Variants in MAP3K1 observed in about 807,000 individuals in gnomAD.
The protein encoded by MAP3K1 is MAP/ERK kinase kinase 1.
In MAP3K1, 36 loss-of-function variants were observed where a neutral mutation model predicts 144.2. The ratio of observed to expected loss-of-function variants is 0.25; its 90% CI spans 0.19 to 0.33. The LOEUF (loss-of-function observed/expected upper bound fraction) is 0.33. MAP3K1 is among the 10% of genes least tolerant of loss of function. The pLI is 1.00. For missense variants in MAP3K1, 1,650 were observed against 1,881.9 expected (o/e 0.88, Z 2.28); for synonymous variants, 718 against 688.7 (o/e 1.04, Z -0.67).
Position 56,815,681 on chromosome 5 carries a change from G to A in MAP3K1, c.108G>A (p.Ala36=), listed in dbSNP as rs1745924140. The A allele has an allele frequency of 1.5e-6, 2 of 1,302,092 alleles. No individual in the cohort carries two copies. Among genetic ancestry groups the A allele is most frequent in the Admixed American group, 3.7e-5 (1 of 26,736 alleles). The allele number at this position is 1,302,092 out of a possible 1,614,324, so 80.7% of individuals were successfully genotyped here. A position where few individuals can be genotyped will look rare whatever the true frequency, so the allele number is the denominator to read the frequency against. The change falls in exon 1 of 20, where the codon GCG becomes GCA. Residue 36 remains alanine (A), a synonymous_variant. Transcript: ENST00000399503. ...GAGGAGCCCTCAAGGCGAGCAGCGC[G>A]CCCGCGGCTGCCGCGGGACTGCTGC... The part of the protein sequence containing the change: ...GGGGALKASS[A]PAAAAGLLRE...
At chr5:56,831,637 A>G (rs1174145161) in intron 1 of MAP3K1, among the ~76,000 whole-genome samples, 1 of 152,212 alleles carries the variant, frequency 6.6e-6, no homozygotes, top group Non-Finnish European at 1.5e-5. Flanking sequence ...TTAAACATTA[A>G]TCCTTTTGAG....
In MAP3K1 at chr5:56,815,905, C is replaced by T. The variant is rs1170508270; in HGVS notation, c.332C>T (p.Pro111Leu). The T allele has an allele frequency of 1.4e-5, 18 of 1,296,690 alleles. No homozygotes were observed. Among genetic ancestry groups the T allele is most frequent in the Non-Finnish European group, 1.6e-5 (16 of 1,023,556 alleles). 80.3% of individuals were successfully genotyped at this position (1,296,690 alleles called of 1,614,324 possible). ...ACCGGCTTCCAGCCTGTGGCGGTGC[C>T]GCCGCCCCACGGAGCCGCGAGCCGC... Reference protein sequence around the residue: ...SGTGFQPVAVPPPHGAASRGG... With the variant: ...SGTGFQPVAVLPPHGAASRGG... Residue 111 changes from proline (P) to leucine (L), a missense_variant, in exon 1 of 20, where the codon CCG (proline) becomes CTG (leucine). Coordinates refer to ENST00000399503, the MANE Select transcript of MAP3K1 (RefSeq NM_005921.2).
intron 19 of MAP3K1, among the ~76,000 whole-genome samples, chr5:56,891,816 G>C (rs959404695): frequency 7.2e-5 from 11 of 152,150 alleles, no homozygotes; most frequent in Admixed American, 6.5e-4. Flanking sequence ...TCTTGTTTTT[G>C]TCAGGTTTGT....
Position 56,815,745 on chromosome 5 carries a change from C to A in MAP3K1, c.172C>A (p.Arg58=). ...CGGGGGCCGCGAGCGGGCGGACTGG[C>A]GGCGGCGGCAGCTGCGCAAAGTGCG... ...GSGGRERADW[R]RRQLRKVRSV... is the part of the protein sequence containing the mutation. Residue 58 remains arginine, a synonymous_variant, in exon 1 of 20, where the codon CGG becomes AGG. Transcript: ENST00000399503. 2 of 1,361,888 alleles carry A rather than the reference C, an allele frequency of 1.5e-6. No homozygotes were observed. The highest frequency in any genetic ancestry group is 1.5e-5 in the African/African-American group (1 of 66,814). 84.4% of individuals were successfully genotyped at this position (1,361,888 alleles called of 1,614,324 possible). A position where few individuals can be genotyped will look rare whatever the true frequency, so the allele number is the denominator to read the frequency against.
rs868229511 is a variant in MAP3K1 at position 56,871,954 on chromosome 5, G to T, written c.1346G>T (p.Gly449Val). ...CAGATGTGTCCTATTTGCTTGTTGG[G>T]CATGCTTGATGAAGAAAGTCTTACA... ...EEQMCPICLL[G>V]MLDEESLTVC... Residue 449 changes from glycine (G) to valine (V), a missense_variant, in exon 7 of 20, where the codon GGC (glycine) becomes GTC (valine). By Grantham distance (109) the Gly-to-Val change is moderately radical. This residue lies in a region of MAP3K1 where 125 missense variants were observed against 179.9 expected (regional missense o/e 0.69). Coordinates refer to ENST00000399503, the MANE Select transcript of MAP3K1 (RefSeq NM_005921.2). The T allele has an allele frequency of 9.9e-6, 16 of 1,613,784 alleles. No individual in the cohort carries two copies. The highest frequency in any genetic ancestry group is 1.2e-5 in the Non-Finnish European group (14 of 1,179,850).
chr5:56,839,981 GA>G (rs2111810951), intron 1 of MAP3K1, among the ~76,000 whole-genome samples: 1 of 152,292 alleles, frequency 6.6e-6, no homozygotes, highest in East Asian at 1.9e-4. Context: ...GGGGTCTCTA[GA>G]AGTTTGGTGA....
At chr5:56,872,060 A>T in intron 7 of MAP3K1, 29 bp downstream of exon 7, 1 of 1,613,602 alleles carries the variant, frequency 6.2e-7, no homozygotes, top group Non-Finnish European at 8.5e-7. Context: ...CCCTATGCTT[A>T]CTCAACACAG....
At chr5:56,860,775 C>A (rs996496046) in intron 3 of MAP3K1, among the ~76,000 whole-genome samples, 3 of 151,960 alleles carry the variant, frequency 2.0e-5, no homozygotes, top group African/African-American at 7.3e-5. Context: ...ATCGCTTGAA[C>A]CCAGGAGGCA....
intron 3 of MAP3K1, among the ~76,000 whole-genome samples, chr5:56,863,582 T>C (rs1052682624): frequency 1.3e-5 from 2 of 152,260 alleles, no homozygotes; most frequent in African/African-American, 2.4e-5. Context: ...GTGGCTATTA[T>C]GAATAATGCT....
At chr5:56,858,581 A>G (rs1184069734) in intron 2 of MAP3K1, among the ~76,000 whole-genome samples, 1 of 152,212 alleles carries the variant, frequency 6.6e-6, no homozygotes, top group African/African-American at 2.4e-5. Flanking sequence ...ACTTTAAGTA[A>G]GTTGTGTCAA....
At chr5:56,818,149 T>C (rs1016853490) in intron 1 of MAP3K1, among the ~76,000 whole-genome samples, 1 of 152,200 alleles carries the variant, frequency 6.6e-6, no homozygotes, top group African/African-American at 2.4e-5. Context: ...TTATGAAATA[T>C]AGTGAATTTT....
chr5:56,820,372 A>C, intron 1 of MAP3K1: 1 of 936,996 alleles, frequency 1.1e-6, no homozygotes, highest in Non-Finnish European at 1.3e-6. Flanking sequence ...TCAAATTAAT[A>C]ATCAAATTAA....
intron 1 of MAP3K1, among the ~76,000 whole-genome samples, chr5:56,829,326 G>T (rs1030927490): frequency 1.3e-5 from 2 of 150,810 alleles, no homozygotes; most frequent in Non-Finnish European, 2.9e-5. Context: ...GGGACCACAG[G>T]TGCATGCCAC....
chr5:56,828,130 A>G lies in MAP3K1; in HGVS notation c.482+12075A>G, dbSNP rs73135006. ...CTCCCCCAAGGTTGCTGTGCTACTTATCACTAGGTTAGCAAAGGCGGTTTG... is the reference window on the plus strand; with the variant it reads ...CTCCCCCAAGGTTGCTGTGCTACTTGTCACTAGGTTAGCAAAGGCGGTTTG... On this transcript the variant is annotated intron_variant, in intron 1 of 19. Transcript: ENST00000399503. Among the ~76,000 whole-genome samples the G allele has an allele frequency of 3.1e-3, 475 of 152,322 alleles. 2 individuals carry two copies. Among genetic ancestry groups the G allele is most frequent in the African/African-American group, 0.011 (457 of 41,576 alleles).
intron 10 of MAP3K1, among the ~76,000 whole-genome samples, chr5:56,877,969 T>G (rs751079643): frequency 6.6e-6 from 1 of 152,222 alleles, no homozygotes; most frequent in Non-Finnish European, 1.5e-5. Context: ...CATGATTAGA[T>G]GGAAGTTACG....
Position 56,816,171 on chromosome 5 carries a change from G to A in MAP3K1, c.482+116G>A, listed in dbSNP as rs375303787. On this transcript the variant is annotated intron_variant, in intron 1 of 19. Coordinates refer to ENST00000399503, the MANE Select transcript of MAP3K1 (RefSeq NM_005921.2). ...GTTCAGCGCAGCGAGGCTACGCGCC[G>A]CTCGCCGGGACCTACGCCCCTGAGC... The A allele has an allele frequency of 1.3e-3, 1,409 of 1,063,504 alleles. 28 individuals are homozygous for A. In the East Asian group the frequency reaches 0.029, roughly 22 times the overall value. The allele number at this position is 1,063,504 out of a possible 1,614,324, so 65.9% of individuals were successfully genotyped here.
At chr5:56,878,276 G>T (rs1748100458) in intron 10 of MAP3K1, among the ~76,000 whole-genome samples, 1 of 151,952 alleles carries the variant, frequency 6.6e-6, no homozygotes, top group African/African-American at 2.4e-5. Context: ...CACAGGGAGG[G>T]GAGCATCACA....
chr5:56,845,097 A>G (rs193065239), intron 1 of MAP3K1, among the ~76,000 whole-genome samples: 2 of 152,368 alleles, frequency 1.3e-5, no homozygotes, highest in Admixed American at 6.5e-5. Context: ...TTTAAAATAG[A>G]AGGTATTCAC....
At chr5:56,887,620 C>G (rs1256492114) in intron 18 of MAP3K1, 100 bp downstream of exon 18, 20 of 1,279,186 alleles carry the variant, frequency 1.6e-5, no homozygotes, top group Non-Finnish European at 2.3e-5. Context: ...TATGTACTTA[C>G]CAACTAGAAG....
Sources: allele counts gnomAD v4.1 joint callset (sites outside exome capture counted in the v4.1 genomes callset), GRCh38; gene constraint gnomAD v4.1.1; regional missense constraint gnomAD v4.1.1; transcripts MANE v1.5; gene names NCBI Gene and HGNC (gene_info 2026-07-23, HGNC 2026-07-21).